Variants in CCT5 observed in about 807,000 individuals in gnomAD.
CCT5 encodes T-complex protein 1 subunit epsilon.
In CCT5, 6 loss-of-function variants were observed where a neutral mutation model predicts 55.0. That is an observed-to-expected ratio of 0.11 (90% CI 0.06 to 0.22). The LOEUF is 0.22. CCT5 is among the 10% of genes least tolerant of loss of function. The pLI, the probability that CCT5 is intolerant of heterozygous loss-of-function variation, is 1.00. For synonymous variants in CCT5, 231 were observed against 243.7 expected, an observed-to-expected ratio of 0.95 and a Z score of 0.49; for missense variants, 560 against 694.6, an observed-to-expected ratio of 0.81 and a Z score of 2.18.
Position 10,260,805 on chromosome 5 carries a change from G to A in CCT5, c.887G>A (p.Gly296Asp). The change falls in exon 7 of 11, where the codon GGT (glycine) becomes GAT (aspartate). Residue 296 changes from glycine to aspartate, a missense_variant. By Grantham distance (94) the Gly-to-Asp change is moderately conservative (BLOSUM62 -1). This residue lies in a region of CCT5 where 256 missense variants were observed against 372.4 expected (regional missense o/e 0.69). Transcript: ENST00000280326. Reference protein sequence around the residue: ...EEMIQQIKETGANLAICQWGF... With the variant: ...EEMIQQIKETDANLAICQWGF... The stretch of plus-strand genomic sequence containing the variant: ...TTCTTTTCCCAGATTAAAGAGACTG[G>A]TGCTAACCTAGCAATTTGTCAGTGG... 1 of 1,613,776 alleles carries A rather than the reference G, an allele frequency of 6.2e-7. No individual in the cohort carries two copies.
Position 10,263,102 on chromosome 5 carries a change from A to C in CCT5, c.1318-32A>C, listed in dbSNP as rs748137998. The C allele has an allele frequency of 2.5e-6, 4 of 1,605,850 alleles. No homozygotes were observed. The East Asian group carries it at 8.9e-5, about 36-fold the overall frequency. ...GCCGCTGGGTTGTTTTGTTTCGCCA[A>C]GTGCACTCACCATACTTCTGTACCT... On this transcript the variant is annotated intron_variant, in intron 9 of 10. Transcript: ENST00000280326.
At chr5:10,260,667 T>C (rs1319456979) in intron 6 of CCT5, 125 bp from the exon 7 acceptor site, 2 of 973,486 alleles carry the variant, frequency 2.1e-6, no homozygotes, top group East Asian at 2.4e-5. Flanking sequence ...TCCTTCTCTT[T>C]CCTTTGCTTT....
chr5:10,250,181 A>G, upstream of CCT5: 1 of 1,543,778 alleles, frequency 6.5e-7, no homozygotes, highest in Non-Finnish European at 8.7e-7. Flanking sequence ...ATTCCAGAAG[A>G]TACTGTCTGG....
intron 3 of CCT5, chr5:10,255,070 G>C: frequency 1.8e-6 from 1 of 544,568 alleles, no homozygotes; most frequent in Non-Finnish European, 3.3e-6. Flanking sequence ...TGATTGATTG[G>C]ACACTGATTT....
intron 1 of CCT5, 91 bp downstream of exon 1, chr5:10,250,536 CA>C (rs1745328965): frequency 6.4e-7 from 1 of 1,561,392 alleles, no homozygotes; most frequent in Non-Finnish European, 8.7e-7. Context: ...GCGGCTCTGC[CA>C]TGTGCTCCCC....
At chr5:10,258,079 C>G in intron 4 of CCT5, 32 bp from the exon 5 acceptor site, 1 of 1,609,368 alleles carries the variant, frequency 6.2e-7, no homozygotes, top group Non-Finnish European at 8.5e-7. Context: ...ATTGTGAAAC[C>G]AATGAAGTTT....
At position 10,264,785 on chromosome 5, in the gene CCT5, G is replaced by A. The variant is rs780491016; in HGVS notation, c.*2G>A. The A allele has an allele frequency of 6.2e-6, 10 of 1,610,972 alleles. No individual in the cohort carries two copies. The highest frequency in any genetic ancestry group is 7.6e-6 in the Non-Finnish European group (9 of 1,177,130). ...AAGCCTGGAGAATCTGAAGAATGAA[G>A]ACATTGAGAAAACTATGTAGCAAGA... is the stretch of plus-strand genomic sequence containing the variant. On this transcript the variant is annotated 3_prime_UTR_variant, in exon 11 of 11. Coordinates refer to ENST00000280326, the MANE Select transcript of CCT5 (RefSeq NM_012073.5).
At chr5:10,262,196 T>G (rs1746000960) in intron 8 of CCT5, 5 of 442,044 alleles carry the variant, frequency 1.1e-5, no homozygotes, top group South Asian at 1.1e-4. Flanking sequence ...TCTCTGTTCT[T>G]TGAGAATGAG....
rs757459371 is a variant in CCT5 at position 10,262,590 on chromosome 5, C to G, written c.1289C>G (p.Ala430Gly). 4 of 1,614,230 alleles carry G rather than the reference C, an allele frequency of 2.5e-6. No homozygotes were observed. In the South Asian group the frequency reaches 4.4e-5, roughly 18 times the overall value. Residue 430 changes from alanine (A) to glycine (G), a missense_variant, in exon 9 of 11, where the codon GCC becomes GGC. Ala to Gly is a moderately conservative substitution (Grantham distance 60). Coordinates refer to ENST00000280326, the MANE Select transcript of CCT5 (RefSeq NM_012073.5). ...GGAGGGGCTGCTGAGATATCCTGTG[C>G]CCTGGCAGTTAGCCAAGAGGCGGAT... ...YGGGAAEISC[A>G]LAVSQEADKC...
chr5:10,251,198 A>G (rs1265696236), intron 1 of CCT5, among the ~76,000 whole-genome samples: 6 of 152,220 alleles, frequency 3.9e-5, no homozygotes, highest in Non-Finnish European at 5.9e-5. Flanking sequence ...TTAACTTACA[A>G]TAGTTCCCGA....
intron 1 of CCT5, among the ~76,000 whole-genome samples, chr5:10,251,909 A>G (rs1375291223): frequency 6.6e-6 from 1 of 152,232 alleles, no homozygotes; most frequent in African/African-American, 2.4e-5. Context: ...TTCAAACTGC[A>G]TGCATTTGTG....
intron 1 of CCT5, 156 bp downstream of exon 1, chr5:10,250,601 A>T: frequency 6.8e-7 from 1 of 1,467,102 alleles, no homozygotes. Context: ...CAGCCCGCTT[A>T]CTGAGCTCGG....
rs765676705 is a variant in CCT5, at chr5:10,250,452, G to A, written c.105+7G>A. ...GGGACTTGAGGCCCTCAAGGTAATG[G>A]CACAGGGACCTGCTCGCGGTGGGCT... On this transcript the variant is annotated splice_region_variant and intron_variant, in intron 1 of 10. Coordinates refer to ENST00000280326, the MANE Select transcript of CCT5 (RefSeq NM_012073.5). The A allele has an allele frequency of 5.6e-6, 9 of 1,612,490 alleles. No individual in the cohort carries two copies. The highest frequency in any genetic ancestry group is 7.6e-6 in the Non-Finnish European group (9 of 1,179,972).
chr5:10,251,044 G>A (rs1745373824), intron 1 of CCT5, among the ~76,000 whole-genome samples: 1 of 152,270 alleles, frequency 6.6e-6, no homozygotes, highest in Admixed American at 6.5e-5. Context: ...GCACATAAGC[G>A]TGGTGCTGGA....
intron 6 of CCT5, 111 bp downstream of exon 6, chr5:10,258,646 A>G (rs1249352819): frequency 3.0e-6 from 3 of 1,007,100 alleles, no homozygotes; most frequent in Non-Finnish European, 4.6e-6. Flanking sequence ...CATACACAGG[A>G]AAAAACCAAA....
rs1745760899 is a variant in CCT5, at chr5:10,257,887, T to A, written c.531-224T>A. The stretch of plus-strand genomic sequence containing the variant: ...ATTTCAGAGTTAGCGAAAATAAAGA[T>A]GTAATTTTTTCCTATCTAAGTATAC... On this transcript the variant is annotated intron_variant, in intron 4 of 10. Coordinates refer to ENST00000280326, the MANE Select transcript of CCT5 (RefSeq NM_012073.5). 5.1e-6 allele frequency: 3 copies of A among 584,814 alleles called. No individual in the cohort carries two copies. The South Asian group carries it at 6.1e-5, about 12-fold the overall frequency. 36.2% of individuals were successfully genotyped at this position (584,814 alleles called of 1,614,324 possible).
At chr5:10,250,484 A>G (rs1316678607) in intron 1 of CCT5, 39 bp downstream of exon 1, 1 of 1,608,752 alleles carries the variant, frequency 6.2e-7, no homozygotes, top group Non-Finnish European at 8.5e-7. Context: ...GGCTAAGGGG[A>G]GGTGGCCGAG....
At chr5:10,263,338 GT>G (rs760742636) in intron 10 of CCT5, 24 bp downstream of exon 10, 2 of 1,375,712 alleles carry the variant, frequency 1.5e-6, no homozygotes, top group Non-Finnish European at 9.7e-7. Context: ...ACGCCTCTGC[GT>G]GGAGGGGGGG....
At position 10,260,919 on chromosome 5, in the gene CCT5, GT is replaced by G. The variant is rs1191959101; in HGVS notation, c.993+10del. The G allele has an allele frequency of 6.2e-7, 1 of 1,613,876 alleles. No individual in the cohort carries two copies. The highest frequency in any genetic ancestry group is 8.5e-7 in the Non-Finnish European group (1 of 1,179,906). ...GGAGGACCTGAAATTGAGGTAGGATGTTCCACGTGAAGAGACTTTGAGAAGT... is the reference window on the plus strand; with the variant it reads ...GGAGGACCTGAAATTGAGGTAGGATGTCCACGTGAAGAGACTTTGAGAAGT... On this transcript the variant is annotated intron_variant, in intron 7 of 10. Transcript: ENST00000280326.
Sources: allele counts gnomAD v4.1 joint callset (sites outside exome capture counted in the v4.1 genomes callset), GRCh38; gene constraint gnomAD v4.1.1; regional missense constraint gnomAD v4.1.1; transcripts MANE v1.5; gene names NCBI Gene and HGNC (gene_info 2026-07-23, HGNC 2026-07-21).